The following OPCML variants were observed in gnomAD, a reference collection of about 807,000 sequenced individuals.
OPCML encodes the protein opioid-binding protein/cell adhesion molecule.
A neutral mutation model predicts 37.8 loss-of-function variants in OPCML; 13 were observed. The ratio of observed to expected loss-of-function variants is 0.34; its 90% CI spans 0.22 to 0.55. The LOEUF (loss-of-function observed/expected upper bound fraction) is 0.55, where lower values mean the gene tolerates loss of function less well. Among genes scored for constraint, OPCML ranks in the 20% least tolerant of loss-of-function variants. OPCML has a pLI of 0.91. For synonymous variants in OPCML, 176 were observed against 168.8 expected (o/e 1.04, Z -0.33); for missense variants, 341 against 435.6 (o/e 0.78, Z 1.93).
chr11:132,553,731 C>T (rs73034692), intron 3 of OPCML, among the ~76,000 whole-genome samples: 3,155 of 152,186 alleles, frequency 0.021, 102 homozygotes, highest in East Asian at 0.042. Flanking sequence ...TTCACTCATT[C>T]GGAACATCTC....
chr11:133,194,847 C>G (rs1383666380), intron 1 of OPCML, among the ~76,000 whole-genome samples: 1 of 152,184 alleles, frequency 6.6e-6, no homozygotes, highest in African/African-American at 2.4e-5. Flanking sequence ...TCTCTCCCCA[C>G]TTGCTTGTGT....
intron 2 of OPCML, among the ~76,000 whole-genome samples, chr11:132,924,723 A>C (rs1944930120): frequency 1.3e-5 from 2 of 152,206 alleles, no homozygotes; most frequent in South Asian, 4.1e-4. Flanking sequence ...ATGCCTAAGC[A>C]TAGGCTGTTA....
chr11:132,760,607 A>G (rs1161714969), intron 2 of OPCML, among the ~76,000 whole-genome samples: 1 of 145,058 alleles, frequency 6.9e-6, no homozygotes, highest in African/African-American at 2.6e-5. Flanking sequence ...TTTTTATCAG[A>G]GACTAGGATT....
chr11:133,268,367 G>A (rs941283117), intron 1 of OPCML, among the ~76,000 whole-genome samples: 1 of 152,306 alleles, frequency 6.6e-6, no homozygotes, highest in Middle Eastern at 3.4e-3. Flanking sequence ...AACTGCAAGA[G>A]GATATTAGGT....
intron 3 of OPCML, among the ~76,000 whole-genome samples, chr11:132,651,619 C>T (rs147147078): frequency 4.6e-5 from 7 of 152,232 alleles, no homozygotes; most frequent in South Asian, 2.1e-4. Flanking sequence ...GCTGAGATAA[C>T]GTTTATACTT....
intron 2 of OPCML, among the ~76,000 whole-genome samples, chr11:132,923,164 C>T (rs1944869986): frequency 6.6e-6 from 1 of 152,088 alleles, no homozygotes; most frequent in Middle Eastern, 3.4e-3. Context: ...ATATACATTC[C>T]GGGGGTATGA....
At chr11:132,993,621 T>G (rs950264902) in intron 1 of OPCML, among the ~76,000 whole-genome samples, 5 of 152,128 alleles carry the variant, frequency 3.3e-5, no homozygotes, top group Admixed American at 1.3e-4. Flanking sequence ...CAGAACACAC[T>G]GCACACAGAG....
intron 1 of OPCML, among the ~76,000 whole-genome samples, chr11:133,112,992 A>G (rs79992292): frequency 0.14 from 21,857 of 152,238 alleles, 2,193 homozygotes; most frequent in African/African-American, 0.29. Context: ...CACAATTCCC[A>G]TCTGCAATTT....
In OPCML at chr11:132,416,853, G is replaced by C. The variant is rs891365816; in HGVS notation, c.*3340C>G. 1 of 152,532 alleles carries C rather than the reference G, an allele frequency of 6.6e-6. No homozygotes were observed. The highest frequency in any genetic ancestry group is 2.1e-4 in the South Asian group (1 of 4,816). 9.4% of individuals were successfully genotyped at this position (152,532 alleles called of 1,614,324 possible). A position where few individuals can be genotyped will look rare whatever the true frequency, so the allele number is the denominator to read the frequency against. On this transcript the variant is annotated 3_prime_UTR_variant, in exon 8 of 8. Coordinates refer to ENST00000524381, the MANE Select transcript of OPCML (RefSeq NM_001012393.5). The stretch of plus-strand genomic sequence containing the variant: ...GAGAAAAACTAAACATGCTTGTTTA[G>C]ACTTGCAGTCGACTGTATCAGGCAC...
chr11:132,672,400 TG>T lies in OPCML; in HGVS notation c.147-15082del, dbSNP rs373143220. On this transcript the variant is annotated intron_variant, in intron 2 of 7. Coordinates refer to ENST00000524381, the MANE Select transcript of OPCML (RefSeq NM_001012393.5). ...ACGCAAGGGAAACAACTAGTGCATT[TG>T]GGGTCCTAAAGTACTCAATCTAAAG... 1.9e-3 allele frequency among the ~76,000 whole-genome samples: 292 copies of T among 152,326 alleles called. 3 individuals are homozygous for T. The highest frequency in any genetic ancestry group is 6.7e-3 in the African/African-American group (278 of 41,580).
intron 3 of OPCML, among the ~76,000 whole-genome samples, chr11:132,587,807 C>T (rs1016400335): frequency 6.6e-6 from 1 of 152,092 alleles, no homozygotes; most frequent in East Asian, 1.9e-4. Context: ...TGGCAGTACC[C>T]TGTAAGTATT....
chr11:133,487,972 T>C (rs1027087796), intron 1 of OPCML, among the ~76,000 whole-genome samples: 7 of 152,008 alleles, frequency 4.6e-5, no homozygotes, highest in African/African-American at 1.7e-4. Context: ...GTTAAACATA[T>C]ACAAATCAAT....
In OPCML at chr11:133,410,448, G is replaced by A. The variant is rs181192980; in HGVS notation, c.61+121816C>T. Among the ~76,000 whole-genome samples the A allele has an allele frequency of 2.2e-4, 33 of 151,958 alleles. No homozygotes were observed. The East Asian group carries it at 6.0e-3, about 28-fold the overall frequency. On this transcript the variant is annotated intron_variant, in intron 1 of 7. Coordinates refer to ENST00000524381, the MANE Select transcript of OPCML (RefSeq NM_001012393.5). ...GGAAGATGCCTTTGCACTCAGCCCC[G>A]TTTCCAGGAGCCATGCACTAGCTGA...
intron 1 of OPCML, among the ~76,000 whole-genome samples, chr11:133,342,284 A>G (rs1046703466): frequency 6.6e-6 from 1 of 152,162 alleles, no homozygotes; most frequent in Non-Finnish European, 1.5e-5. Flanking sequence ...ACACTAGCAA[A>G]CAGGGCTAAG....
At chr11:132,630,974 CAGA>C (rs1266151248) in intron 3 of OPCML, among the ~76,000 whole-genome samples, 1 of 151,852 alleles carries the variant, frequency 6.6e-6, no homozygotes, top group Non-Finnish European at 1.5e-5. Context: ...ACATAAAAGA[CAGA>C]AGAAAAATTC....
At chr11:133,189,130 T>C (rs1302304208) in intron 1 of OPCML, among the ~76,000 whole-genome samples, 2 of 152,192 alleles carry the variant, frequency 1.3e-5, no homozygotes, top group Non-Finnish European at 2.9e-5. Flanking sequence ...TCATCCTTAC[T>C]GCCTTCTTTC....
intron 2 of OPCML, among the ~76,000 whole-genome samples, chr11:132,668,299 G>C (rs1202654507): frequency 6.6e-6 from 1 of 152,178 alleles, no homozygotes; most frequent in Non-Finnish European, 1.5e-5. Context: ...TTTGCGAAAT[G>C]TATAAATCGA....
intron 1 of OPCML, among the ~76,000 whole-genome samples, chr11:133,351,441 C>G (rs1021055663): frequency 1.3e-5 from 2 of 152,082 alleles, no homozygotes; most frequent in African/African-American, 4.8e-5. Context: ...AAATAAACCC[C>G]AAAACATACT....
intron 2 of OPCML, among the ~76,000 whole-genome samples, chr11:132,741,335 C>T (rs1207992542): frequency 6.6e-6 from 1 of 152,166 alleles, no homozygotes; most frequent in Non-Finnish European, 1.5e-5. Flanking sequence ...ATACCTGAAT[C>T]TTTTCTTAGC....
Sources: allele counts gnomAD v4.1 joint callset (sites outside exome capture counted in the v4.1 genomes callset), GRCh38; gene constraint gnomAD v4.1.1; transcripts MANE v1.5; gene names NCBI Gene and HGNC (gene_info 2026-07-23, HGNC 2026-07-21).